MECOM: variants seen among roughly 807,000 people sequenced by gnomAD.
MECOM encodes MDS1 and EVI1 complex locus.
Under a neutral mutation model 116.3 loss-of-function variants are expected in MECOM, and 13 were observed. That is an observed-to-expected ratio of 0.11 (90% CI 0.07 to 0.18). MECOM has a LOEUF of 0.18. Ranked by LOEUF, MECOM falls within the 10% of genes least tolerant of loss-of-function variation. The pLI, the probability that MECOM is intolerant of heterozygous loss-of-function variation, is 1.00. For synonymous variants in MECOM, 528 were observed against 535.2 expected, an observed-to-expected ratio of 0.99 and a Z score of 0.19; for missense variants, 1,299 against 1,509.0, an observed-to-expected ratio of 0.86 and a Z score of 2.31.
At chr3:169,360,359 A>C (rs1319658012) in intron 2 of MECOM, among the ~76,000 whole-genome samples, 1 of 150,138 alleles carries the variant, frequency 6.7e-6, no homozygotes, top group African/African-American at 2.4e-5. Context: ...AAGCTCCTAC[A>C]ATTTTTGACA....
intron 1 of MECOM, among the ~76,000 whole-genome samples, chr3:169,412,598 T>A (rs1216379929): frequency 6.6e-6 from 1 of 152,080 alleles, no homozygotes; most frequent in South Asian, 2.1e-4. Context: ...CAAAGAAAAT[T>A]AAGGTAAATG....
At chr3:169,180,463 CAA>C (rs34532939) in intron 2 of MECOM, among the ~76,000 whole-genome samples, 3 of 151,982 alleles carry the variant, frequency 2.0e-5, no homozygotes, top group African/African-American at 7.3e-5. Flanking sequence ...ATAAATATCT[CAA>C]AGATTGATTT....
At chr3:169,647,904 C>T (rs1165754781) in intron 1 of MECOM, among the ~76,000 whole-genome samples, 1 of 152,038 alleles carries the variant, frequency 6.6e-6, no homozygotes, top group Non-Finnish European at 1.5e-5. Flanking sequence ...AGACTCAAAC[C>T]CCTACATCCT....
chr3:169,163,940 C>T (rs1743203021), intron 2 of MECOM, among the ~76,000 whole-genome samples: 1 of 152,134 alleles, frequency 6.6e-6, no homozygotes, highest in Non-Finnish European at 1.5e-5. Context: ...GGAATCTATG[C>T]TGTGTACTAG....
At chr3:169,202,861 A>G (rs1200541169) in intron 2 of MECOM, among the ~76,000 whole-genome samples, 1 of 151,552 alleles carries the variant, frequency 6.6e-6, no homozygotes, top group Non-Finnish European at 1.5e-5. Context: ...ATTAAGTCCA[A>G]CTTTCTGGGA....
intron 1 of MECOM, among the ~76,000 whole-genome samples, chr3:169,562,184 A>T (rs1033722141): frequency 7.1e-6 from 1 of 140,410 alleles, no homozygotes; most frequent in Non-Finnish European, 1.5e-5. Flanking sequence ...AAGAAAAAAA[A>T]AAGATAGAAA....
chr3:169,258,417 C>T (rs1263358469), intron 2 of MECOM, among the ~76,000 whole-genome samples: 1 of 152,042 alleles, frequency 6.6e-6, no homozygotes, highest in African/African-American at 2.4e-5. Flanking sequence ...AGCAAGTTAC[C>T]CAAGTCATAG....
At chr3:169,453,930 A>C (rs1024921016) in intron 1 of MECOM, among the ~76,000 whole-genome samples, 8 of 151,586 alleles carry the variant, frequency 5.3e-5, no homozygotes, top group African/African-American at 1.7e-4. Context: ...TAAAAAAAAA[A>C]CTCTGTTATC....
intron 2 of MECOM, among the ~76,000 whole-genome samples, chr3:169,209,620 T>A (rs944999461): frequency 1.3e-5 from 2 of 152,086 alleles, no homozygotes; most frequent in Non-Finnish European, 2.9e-5. Flanking sequence ...ATATCACTGA[T>A]CATTAAAGAA....
chr3:169,119,142 G>C (rs1441704522), intron 7 of MECOM, among the ~76,000 whole-genome samples: 1 of 152,190 alleles, frequency 6.6e-6, no homozygotes, highest in Non-Finnish European at 1.5e-5. Context: ...TGGTGACTTT[G>C]GGCTCAAGCG....
intron 2 of MECOM, among the ~76,000 whole-genome samples, chr3:169,371,414 T>C (rs948223839): frequency 6.6e-6 from 1 of 151,816 alleles, no homozygotes; most frequent in East Asian, 1.9e-4. Context: ...GTAAGATGAA[T>C]AAATTCTGGA....
intron 1 of MECOM, among the ~76,000 whole-genome samples, chr3:169,580,747 C>A (rs1389091529): frequency 6.6e-6 from 1 of 152,134 alleles, no homozygotes; most frequent in Non-Finnish European, 1.5e-5. Context: ...CCCCAAATGA[C>A]TTGTAAATTT....
intron 1 of MECOM, among the ~76,000 whole-genome samples, chr3:169,486,332 C>T (rs1164341173): frequency 1.3e-5 from 2 of 151,736 alleles, no homozygotes. Flanking sequence ...CAAGAGTGCT[C>T]ATTATACATT....
chr3:169,191,719 AAAAAG>A (rs1212105552), intron 2 of MECOM, among the ~76,000 whole-genome samples: 2 of 38,124 alleles, frequency 5.2e-5, no homozygotes, highest in Non-Finnish European at 1.6e-4. Context: ...AAAGAAAGAA[AAAAAG>A]AAAGAAAGAA....
chr3:169,443,271 C>G (rs1463146151), intron 1 of MECOM, among the ~76,000 whole-genome samples: 1 of 152,008 alleles, frequency 6.6e-6, no homozygotes, highest in Non-Finnish European at 1.5e-5. Flanking sequence ...CCATTCATGC[C>G]CCTCACATTA....
At chr3:169,370,002 G>C (rs1324489505) in intron 2 of MECOM, among the ~76,000 whole-genome samples, 1 of 151,842 alleles carries the variant, frequency 6.6e-6, no homozygotes, top group Non-Finnish European at 1.5e-5. Context: ...CTAGTGTTAA[G>C]AGTATGCAAC....
At chr3:169,342,785 T>A (rs1408781264) in intron 2 of MECOM, among the ~76,000 whole-genome samples, 1 of 152,070 alleles carries the variant, frequency 6.6e-6, no homozygotes, top group African/African-American at 2.4e-5. Context: ...AAACGGAAAA[T>A]CTCAGTAGAG....
intron 2 of MECOM, among the ~76,000 whole-genome samples, chr3:169,346,048 C>T (rs1725285397): frequency 6.6e-6 from 1 of 152,056 alleles, no homozygotes; most frequent in Admixed American, 6.6e-5. Context: ...CACCTCCCCC[C>T]ACTTTTAAAA....
chr3:169,500,178 A>G (rs372653407), intron 1 of MECOM, among the ~76,000 whole-genome samples: 1 of 152,108 alleles, frequency 6.6e-6, no homozygotes, highest in East Asian at 1.9e-4. Flanking sequence ...AAGTCTATCA[A>G]TGGATACTGT....
Sources: gnomAD v4.1 joint callset for allele counts (sites outside exome capture counted in the v4.1 genomes callset) on GRCh38, gnomAD v4.1.1 for gene constraint, MANE v1.5 for transcripts, NCBI Gene and HGNC (gene_info 2026-07-23, HGNC 2026-07-21) for gene names.